The following CSMD1 variants were observed in gnomAD, a reference collection of about 807,000 sequenced individuals.
CSMD1 encodes CUB and Sushi multiple domains 1.
In CSMD1, 213 loss-of-function variants were observed where a neutral mutation model predicts 417.5. The ratio of observed to expected loss-of-function variants is 0.51; its 90% CI spans 0.46 to 0.57. The LOEUF is 0.57. CSMD1 is among the 20% of genes least tolerant of loss of function. The probability of loss-of-function intolerance (pLI) is 0.00; values close to 1 mark genes in which losing one functional copy is unlikely to be tolerated. For synonymous variants in CSMD1, 2,862 were observed against 1,736.8 expected, an observed-to-expected ratio of 1.65 and a Z score of -16.11; for missense variants, 6,923 against 4,529.7, an observed-to-expected ratio of 1.53 and a Z score of -15.17.
chr8:3,576,358 T>A (rs1800151505), intron 9 of CSMD1, among the ~76,000 whole-genome samples: 1 of 124,778 alleles, frequency 8.0e-6, no homozygotes, highest in African/African-American at 2.7e-5. Context: ...CTGTGACTGT[T>A]CATCTGAGAT....
intron 7 of CSMD1, among the ~76,000 whole-genome samples, chr8:3,652,189 C>T (rs1373332396): frequency 6.7e-6 from 1 of 149,314 alleles, no homozygotes; most frequent in East Asian, 2.0e-4. Context: ...GAACACCTAC[C>T]ACCTTCAGCG....
intron 49 of CSMD1, among the ~76,000 whole-genome samples, chr8:3,063,009 G>A (rs10102984): frequency 0.098 from 14,989 of 152,194 alleles, 734 homozygotes; most frequent in Middle Eastern, 0.15. Flanking sequence ...AAGTGACACT[G>A]CTGTGTGTCA....
At chr8:3,506,898 G>A (rs1041591768) in intron 10 of CSMD1, among the ~76,000 whole-genome samples, 4 of 152,080 alleles carry the variant, frequency 2.6e-5, no homozygotes, top group South Asian at 2.1e-4. Flanking sequence ...CGGATAATTT[G>A]AAAATAAATA....
At chr8:4,077,713 A>C (rs550274578) in intron 3 of CSMD1, among the ~76,000 whole-genome samples, 15 of 152,104 alleles carry the variant, frequency 9.9e-5, no homozygotes, top group Non-Finnish European at 1.9e-4. Flanking sequence ...CTTGTTTCTT[A>C]CCATTCTCAA....
chr8:3,083,086 TTTTTC>T (rs577976395), intron 49 of CSMD1, among the ~76,000 whole-genome samples: 104 of 152,308 alleles, frequency 6.8e-4, no homozygotes, highest in African/African-American at 1.2e-3. Flanking sequence ...TCATATTTCA[TTTTTC>T]TTTTCTTTTA....
chr8:4,798,213 C>A, intron 1 of CSMD1, among the ~76,000 whole-genome samples: 1 of 152,092 alleles, frequency 6.6e-6, no homozygotes, highest in East Asian at 1.9e-4. Flanking sequence ...CTTCTTGTGT[C>A]CAAGTGTTCT....
chr8:3,047,065 G>C (rs185926176), intron 50 of CSMD1, among the ~76,000 whole-genome samples: 1 of 151,912 alleles, frequency 6.6e-6, no homozygotes, highest in African/African-American at 2.4e-5. Flanking sequence ...AAAATTAGCT[G>C]GGTGTGGTGG....
chr8:4,476,008 T>C (rs1486356498), intron 2 of CSMD1, among the ~76,000 whole-genome samples: 1 of 152,146 alleles, frequency 6.6e-6, no homozygotes, highest in East Asian at 1.9e-4. Context: ...TTTTCCGTAA[T>C]TAATCAGCAG....
At chr8:4,334,592 T>TAAAAATAGAG (rs1426457463) in intron 3 of CSMD1, among the ~76,000 whole-genome samples, 1 of 152,174 alleles carries the variant, frequency 6.6e-6, no homozygotes, top group Admixed American at 6.5e-5. Context: ...TCTCTATTTT[T>TAAAAATAGAG]ATTTCTCTAT....
chr8:4,429,780 G>A (rs1005560322), intron 2 of CSMD1, among the ~76,000 whole-genome samples: 2 of 152,246 alleles, frequency 1.3e-5, no homozygotes, highest in East Asian at 1.9e-4. Context: ...ACCCGTATTT[G>A]TTGAAATATA....
chr8:4,466,870 G>A (rs975005366), intron 2 of CSMD1, among the ~76,000 whole-genome samples: 5 of 151,984 alleles, frequency 3.3e-5, no homozygotes, highest in Non-Finnish European at 5.9e-5. Context: ...CTTCAGCGAT[G>A]AGACTAAGGT....
Position 3,923,257 on chromosome 8 carries a change from G to A in CSMD1, c.818+74646C>T, listed in dbSNP as rs1158759683. ...GGTGGTGAATCTTCCAGAGTCTGGTGAGTGGAGTGTCTGACTCTGGAGCCC... is the reference window on the plus strand; with the variant it reads ...GGTGGTGAATCTTCCAGAGTCTGGTAAGTGGAGTGTCTGACTCTGGAGCCC... On this transcript the variant is annotated intron_variant, in intron 5 of 69. Coordinates refer to ENST00000635120, the MANE Select transcript of CSMD1 (RefSeq NM_033225.6). Among the ~76,000 whole-genome samples, 4 of 152,190 alleles carry A rather than the reference G, an allele frequency of 2.6e-5. No homozygotes were observed. The East Asian group carries it at 7.7e-4, about 29-fold the overall frequency.
intron 5 of CSMD1, among the ~76,000 whole-genome samples, chr8:3,875,415 G>A (rs546197761): frequency 6.6e-6 from 1 of 152,172 alleles, no homozygotes; most frequent in African/African-American, 2.4e-5. Context: ...TTATGGATTG[G>A]AGGAGTTCCT....
chr8:3,616,599 G>T lies in CSMD1; in HGVS notation c.1097+111C>A, dbSNP rs181425773. The stretch of plus-strand genomic sequence containing the variant: ...ACACACATTTAGAGTTAATGATTAA[G>T]AAGTTTTATCTTTACCTCAAAAGAA... On this transcript the variant is annotated intron_variant, in intron 8 of 69. Coordinates refer to ENST00000635120, the MANE Select transcript of CSMD1 (RefSeq NM_033225.6). 5.8e-6 allele frequency: 4 copies of T among 688,978 alleles called. No homozygotes were observed. In the East Asian group the frequency reaches 8.2e-5, roughly 14 times the overall value. The allele number at this position is 688,978 out of a possible 1,614,324, so 42.7% of individuals were successfully genotyped here.
chr8:3,277,614 G>A (rs531613045), intron 26 of CSMD1, among the ~76,000 whole-genome samples: 34 of 152,234 alleles, frequency 2.2e-4, no homozygotes, highest in African/African-American at 6.5e-4. Flanking sequence ...TACCAAAACC[G>A]GGAAGATGTC....
intron 52 of CSMD1, among the ~76,000 whole-genome samples, chr8:3,012,293 A>G (rs1808449796): frequency 6.6e-6 from 1 of 152,220 alleles, no homozygotes; most frequent in Non-Finnish European, 1.5e-5. Context: ...TTAGGTGTAG[A>G]AAATCATCTT....
At chr8:4,274,381 G>T (rs1006937063) in intron 3 of CSMD1, among the ~76,000 whole-genome samples, 1 of 152,068 alleles carries the variant, frequency 6.6e-6, no homozygotes, top group East Asian at 1.9e-4. Flanking sequence ...ACAAAATTAA[G>T]ATTTTAAACA....
At chr8:4,894,710 G>T (rs1309300092) in intron 1 of CSMD1, among the ~76,000 whole-genome samples, 2 of 151,742 alleles carry the variant, frequency 1.3e-5, no homozygotes, top group African/African-American at 4.9e-5. Context: ...GTGTGTGTGT[G>T]TGTGTGTGTG....
At chr8:3,523,525 GCA>G (rs375381582) in intron 10 of CSMD1, among the ~76,000 whole-genome samples, 4 of 151,910 alleles carry the variant, frequency 2.6e-5, no homozygotes, top group African/African-American at 9.6e-5. Flanking sequence ...GTGAAAATAT[GCA>G]CACACACACG....
Sources: allele counts gnomAD v4.1 joint callset (sites outside exome capture counted in the v4.1 genomes callset), GRCh38; gene constraint gnomAD v4.1.1; transcripts MANE v1.5; gene names NCBI Gene and HGNC (gene_info 2026-07-23, HGNC 2026-07-21).